Variants in TOX observed in about 807,000 individuals in gnomAD.
TOX encodes thymocyte selection associated high mobility group box, also known as thymocyte selection-associated high mobility group box protein TOX.
A neutral mutation model predicts 53.7 loss-of-function variants in TOX; 11 were observed. The ratio of observed to expected loss-of-function variants is 0.20; its 90% CI spans 0.13 to 0.34. TOX has a LOEUF of 0.34. TOX is among the 10% of genes least tolerant of loss of function. The probability of loss-of-function intolerance (pLI) is 1.00; values close to 1 mark genes in which losing one functional copy is unlikely to be tolerated. For missense variants in TOX, 570 were observed against 664.6 expected (o/e 0.86, Z 1.56); for synonymous variants, 225 against 245.3 (o/e 0.92, Z 0.77).
chr8:59,089,040 T>G (rs926255500), intron 1 of TOX, among the ~76,000 whole-genome samples: 1 of 152,152 alleles, frequency 6.6e-6, no homozygotes, highest in Non-Finnish European at 1.5e-5. Context: ...AGAAAAGAAT[T>G]TATAATAGTT....
chr8:59,012,526 C>G (rs1585963339), intron 1 of TOX, among the ~76,000 whole-genome samples: 1 of 151,642 alleles, frequency 6.6e-6, no homozygotes, highest in African/African-American at 2.4e-5. Flanking sequence ...CACATGAGAT[C>G]ACAATTTTTT....
At chr8:58,844,194 C>T (rs1810686372) in intron 4 of TOX, among the ~76,000 whole-genome samples, 1 of 152,152 alleles carries the variant, frequency 6.6e-6, no homozygotes, top group Non-Finnish European at 1.5e-5. Flanking sequence ...GATAGATATG[C>T]TCTCTGCCGT....
At chr8:59,058,714 A>G (rs1718945099) in intron 1 of TOX, among the ~76,000 whole-genome samples, 1 of 152,176 alleles carries the variant, frequency 6.6e-6, no homozygotes, top group African/African-American at 2.4e-5. Flanking sequence ...CTGATTCCCC[A>G]GGTTCCAGAA....
chr8:58,847,738 A>C (rs1469871789), intron 4 of TOX, among the ~76,000 whole-genome samples: 1 of 152,132 alleles, frequency 6.6e-6, no homozygotes, highest in Non-Finnish European at 1.5e-5. Context: ...ACAAGAGAAG[A>C]TCTCAAAAGC....
intron 1 of TOX, among the ~76,000 whole-genome samples, chr8:59,115,646 G>A (rs1382135857): frequency 6.6e-6 from 1 of 152,186 alleles, no homozygotes; most frequent in African/African-American, 2.4e-5. Flanking sequence ...TAGGCTGCAA[G>A]AGGTGAATAC....
chr8:59,092,643 G>A (rs1261173091), intron 1 of TOX, among the ~76,000 whole-genome samples: 2 of 151,806 alleles, frequency 1.3e-5, no homozygotes, highest in Non-Finnish European at 2.9e-5. Context: ...ATCCTGTGCT[G>A]GTCTCTTCAG....
At chr8:59,089,702 C>T (rs3890533) in intron 1 of TOX, among the ~76,000 whole-genome samples, 4,600 of 152,336 alleles carry the variant, frequency 0.03, 98 homozygotes, top group Middle Eastern at 0.15. Context: ...GGATCCTCCG[C>T]CTCAGCCTCC....
chr8:58,813,084 A>G (rs1015024994), intron 7 of TOX, among the ~76,000 whole-genome samples: 1 of 152,224 alleles, frequency 6.6e-6, no homozygotes, highest in Non-Finnish European at 1.5e-5. Flanking sequence ...TTTGGGATAC[A>G]CTAACAGAAC....
chr8:58,873,489 C>T lies in TOX; in HGVS notation c.412-21684G>A, dbSNP rs889614748. ...CATGGACCCAAACAGTCAGTTGGTG[C>T]CTTGGTACTACTCCAAAAAGACTGG... is the stretch of plus-strand genomic sequence containing the variant. On this transcript the variant is annotated intron_variant, in intron 3 of 8. Transcript: ENST00000361421. 2.0e-5 allele frequency among the ~76,000 whole-genome samples: 3 copies of T among 152,168 alleles called. No homozygotes were observed. In the South Asian group the frequency reaches 6.2e-4, roughly 32 times the overall value.
intron 3 of TOX, among the ~76,000 whole-genome samples, chr8:58,870,783 A>T (rs1013432653): frequency 2.0e-5 from 3 of 152,166 alleles, no homozygotes; most frequent in African/African-American, 7.2e-5. Context: ...AATGGAAAAG[A>T]CAGTCTTTTC....
chr8:59,074,461 G>A (rs979331866), intron 1 of TOX, among the ~76,000 whole-genome samples: 3 of 152,078 alleles, frequency 2.0e-5, no homozygotes, highest in African/African-American at 7.2e-5. Context: ...TATCTACGAG[G>A]TACCTCGTAA....
intron 4 of TOX, among the ~76,000 whole-genome samples, chr8:58,840,153 C>T (rs1810619335): frequency 6.6e-6 from 1 of 152,098 alleles, no homozygotes; most frequent in African/African-American, 2.4e-5. Context: ...TATACCTAAG[C>T]ACCGAAAAGA....
intron 1 of TOX, among the ~76,000 whole-genome samples, chr8:59,050,572 C>T (rs760145527): frequency 3.9e-5 from 6 of 151,944 alleles, no homozygotes; most frequent in African/African-American, 4.8e-5. Context: ...TTGAACTCTA[C>T]GGTAAATTTT....
chr8:58,868,048 G>T (rs1020499882), intron 3 of TOX, among the ~76,000 whole-genome samples: 4 of 152,160 alleles, frequency 2.6e-5, no homozygotes, highest in Admixed American at 2.6e-4. Flanking sequence ...GGGGCCTGGT[G>T]GGATATAATT....
At chr8:58,890,662 A>C (rs938456000) in intron 3 of TOX, among the ~76,000 whole-genome samples, 3 of 152,174 alleles carry the variant, frequency 2.0e-5, no homozygotes, top group Non-Finnish European at 4.4e-5. Flanking sequence ...GTGGATGCAT[A>C]GATAACGTTA....
At chr8:58,958,909 C>T (rs1202943259) in intron 2 of TOX, among the ~76,000 whole-genome samples, 1 of 152,172 alleles carries the variant, frequency 6.6e-6, no homozygotes, top group African/African-American at 2.4e-5. Context: ...GCATCCTTAA[C>T]ATATACATTA....
chr8:58,902,035 A>T (rs1177083119), intron 3 of TOX, among the ~76,000 whole-genome samples: 1 of 152,152 alleles, frequency 6.6e-6, no homozygotes, highest in Non-Finnish European at 1.5e-5. Context: ...GGTTTAATTT[A>T]AGCATTATTT....
At chr8:59,043,043 T>C (rs556356097) in intron 1 of TOX, among the ~76,000 whole-genome samples, 1 of 152,266 alleles carries the variant, frequency 6.6e-6, no homozygotes, top group African/African-American at 2.4e-5. Context: ...AACTTATTCC[T>C]CTGTCTAGCT....
chr8:59,071,690 A>G (rs1804199461), intron 1 of TOX, among the ~76,000 whole-genome samples: 2 of 152,182 alleles, frequency 1.3e-5, no homozygotes, highest in Non-Finnish European at 1.5e-5. Context: ...CAATTTACCT[A>G]TGAACTTTAT....
Sources: gnomAD v4.1 joint callset for allele counts (sites outside exome capture counted in the v4.1 genomes callset) on GRCh38, gnomAD v4.1.1 for gene constraint, MANE v1.5 for transcripts, NCBI Gene and HGNC (gene_info 2026-07-23, HGNC 2026-07-21) for gene names.